Variants in SERPINI1 observed in about 807,000 individuals in gnomAD.
The protein encoded by SERPINI1 is neuroserpin.
Under a neutral mutation model 41.1 loss-of-function variants are expected in SERPINI1, and 19 were observed. The ratio of observed to expected loss-of-function variants is 0.46; its 90% CI spans 0.32 to 0.68. The LOEUF (loss-of-function observed/expected upper bound fraction) is 0.68. Ranked by LOEUF, SERPINI1 falls within the 30% of genes least tolerant of loss-of-function variation. The pLI is 0.03. For missense variants in SERPINI1, 460 were observed against 479.2 expected (o/e 0.96, Z 0.37); for synonymous variants, 138 against 156.6 (o/e 0.88, Z 0.89).
intron 6 of SERPINI1, 156 bp from the exon 7 acceptor site, chr3:167,822,830 T>G (rs1019759036): frequency 3.4e-6 from 2 of 595,688 alleles, no homozygotes; most frequent in South Asian, 4.3e-5. Context: ...AACCACATCT[T>G]CAATGGTTAT....
At chr3:167,773,279 C>G (rs2108547269) in intron 1 of SERPINI1, among the ~76,000 whole-genome samples, 1 of 152,172 alleles carries the variant, frequency 6.6e-6, no homozygotes, top group East Asian at 1.9e-4. Context: ...TGATAAGAGA[C>G]AGTTTCCTGT....
chr3:167,808,288 T>TAA (rs33942785), intron 6 of SERPINI1, among the ~76,000 whole-genome samples: 26,875 of 145,840 alleles, frequency 0.18, 2,781 homozygotes, highest in African/African-American at 0.26. Context: ...TTTTTCAGAG[T>TAA]AAAAAAAAAA....
chr3:167,744,674 ATAAAT>A (rs1725794800), intron 1 of SERPINI1, among the ~76,000 whole-genome samples: 1 of 108,174 alleles, frequency 9.2e-6, no homozygotes, highest in African/African-American at 4.3e-5. Context: ...AAATATATAT[ATAAAT>A]ATATATATAA....
At position 167,825,416 on chromosome 3, in the gene SERPINI1, TAAGATAATATTTAAAATAGTTCCAGATA is replaced by T; in HGVS notation, c.*96_*123del. The stretch of plus-strand genomic sequence containing the variant: ...AGGATTTGTGTTTTACAGTATATCT[TAAGATAATATTTAAAATAGTTCCAGATA>T]AAAACAATATATGTAAATTATAAGT... On this transcript the variant is annotated 3_prime_UTR_variant, in exon 9 of 9. Transcript: ENST00000446050. 1.2e-6 allele frequency: 1 copy of T among 801,534 alleles called. No individual in the cohort carries two copies. Among genetic ancestry groups the T allele is most frequent in the East Asian group, 2.5e-5 (1 of 39,956 alleles). The allele number at this position is 801,534 out of a possible 1,614,324, so 49.7% of individuals were successfully genotyped here.
intron 1 of SERPINI1, among the ~76,000 whole-genome samples, chr3:167,741,376 A>G (rs1725673320): frequency 6.6e-6 from 1 of 152,216 alleles, no homozygotes; most frequent in Non-Finnish European, 1.5e-5. Flanking sequence ...CAGCCAGGCA[A>G]TTCAATGAGT....
At chr3:167,770,450 C>T (rs1726712303) in intron 1 of SERPINI1, among the ~76,000 whole-genome samples, 1 of 152,006 alleles carries the variant, frequency 6.6e-6, no homozygotes, top group Admixed American at 6.6e-5. Flanking sequence ...TCGAACCACC[C>T]TATTTTAATT....
intron 1 of SERPINI1, among the ~76,000 whole-genome samples, chr3:167,755,702 G>A (rs1263525250): frequency 6.6e-6 from 1 of 150,566 alleles, no homozygotes. Context: ...ACTTTCTTCT[G>A]TAATCTCTCA....
chr3:167,821,916 C>T (rs921760003), intron 6 of SERPINI1, among the ~76,000 whole-genome samples: 1 of 152,170 alleles, frequency 6.6e-6, no homozygotes, highest in South Asian at 2.1e-4. Flanking sequence ...CCAAAGGCAG[C>T]CTGCTGGCAG....
At chr3:167,785,812 A>G (rs1415062319) in intron 1 of SERPINI1, among the ~76,000 whole-genome samples, 1 of 152,252 alleles carries the variant, frequency 6.6e-6, no homozygotes, top group South Asian at 2.1e-4. Context: ...TTAGCCTAAA[A>G]TATGATATTC....
At chr3:167,747,272 T>C (rs150258679) in intron 1 of SERPINI1, among the ~76,000 whole-genome samples, 6 of 152,266 alleles carry the variant, frequency 3.9e-5, no homozygotes, top group African/African-American at 9.6e-5. Flanking sequence ...CAAATAGTTA[T>C]GGGGTTTCTT....
intron 1 of SERPINI1, among the ~76,000 whole-genome samples, chr3:167,763,068 A>G (rs1025323702): frequency 6.6e-6 from 1 of 152,130 alleles, no homozygotes; most frequent in Non-Finnish European, 1.5e-5. Flanking sequence ...ATGTGTAAGT[A>G]GGGAAAATAT....
chr3:167,775,312 A>T (rs1326996151), intron 1 of SERPINI1, among the ~76,000 whole-genome samples: 1 of 150,052 alleles, frequency 6.7e-6, no homozygotes, highest in Admixed American at 6.7e-5. Context: ...CCCAGGCTGC[A>T]GTGCAGTGGC....
At chr3:167,751,163 T>A (rs940295336) in intron 1 of SERPINI1, among the ~76,000 whole-genome samples, 2 of 152,112 alleles carry the variant, frequency 1.3e-5, no homozygotes, top group Admixed American at 1.3e-4. Context: ...GAGTTTATTA[T>A]GTTAGGAAAA....
intron 5 of SERPINI1, among the ~76,000 whole-genome samples, chr3:167,801,528 A>G (rs1727899077): frequency 6.6e-6 from 1 of 152,098 alleles, no homozygotes; most frequent in Non-Finnish European, 1.5e-5. Flanking sequence ...TCTACCACCT[A>G]TTATCTGTGT....
chr3:167,825,378 C>G lies in SERPINI1; in HGVS notation c.*55C>G. 9.4e-7 allele frequency: 1 copy of G among 1,060,428 alleles called. No individual in the cohort carries two copies. The highest frequency in any genetic ancestry group is 1.5e-6 in the Non-Finnish European group (1 of 674,694). The allele number at this position is 1,060,428 out of a possible 1,614,324, so 65.7% of individuals were successfully genotyped here. ...GTAACTAAGCACATTATGTTTGCAA[C>G]TGGTATATATTTAGGATTTGTGTTT... On this transcript the variant is annotated 3_prime_UTR_variant, in exon 9 of 9. Coordinates refer to ENST00000446050, the MANE Select transcript of SERPINI1 (RefSeq NM_001122752.2).
At chr3:167,792,555 C>G (rs755876538) in intron 3 of SERPINI1, 35 bp from the exon 4 acceptor site, 73 of 1,576,630 alleles carry the variant, frequency 4.6e-5, no homozygotes, top group Non-Finnish European at 5.8e-5. Context: ...TCCAGTTTAA[C>G]ATGAATTTTT....
At chr3:167,805,301 A>G (rs980284933) in intron 5 of SERPINI1, among the ~76,000 whole-genome samples, 10 of 152,198 alleles carry the variant, frequency 6.6e-5, no homozygotes, top group Admixed American at 6.5e-4. Context: ...ACGACCAGTG[A>G]TGATGAGCTT....
rs1221756142 is a variant in SERPINI1 at position 167,789,313 on chromosome 3, T to C, written c.185T>C (p.Leu62Pro). 2 of 1,614,200 alleles carry C rather than the reference T, an allele frequency of 1.2e-6. No homozygotes were observed. Among genetic ancestry groups the C allele is most frequent in the East Asian group, 2.2e-5 (1 of 44,876 alleles). ...SIALAMGMME[L>P]GAQGSTQKEI... ...GCTCTTGCAATGGGAATGATGGAACTTGGGGCCCAAGGATCTACCCAGAAA... is the reference window on the plus strand; with the variant it reads ...GCTCTTGCAATGGGAATGATGGAACCTGGGGCCCAAGGATCTACCCAGAAA... The change falls in exon 2 of 9, where the codon CTT becomes CCT. Residue 62 changes from leucine (L) to proline (P), a missense_variant. Coordinates refer to ENST00000446050, the MANE Select transcript of SERPINI1 (RefSeq NM_001122752.2).
intron 1 of SERPINI1, among the ~76,000 whole-genome samples, chr3:167,782,290 G>A (rs1350767221): frequency 5.9e-5 from 9 of 152,086 alleles, no homozygotes; most frequent in Admixed American, 1.3e-4. Flanking sequence ...ATTGTTCAAG[G>A]TAGTGTACTT....
Sources: allele counts gnomAD v4.1 joint callset (sites outside exome capture counted in the v4.1 genomes callset), GRCh38; gene constraint gnomAD v4.1.1; transcripts MANE v1.5; gene names NCBI Gene and HGNC (gene_info 2026-07-23, HGNC 2026-07-21).